Variants in MCPH1 observed in about 807,000 individuals in gnomAD.
MCPH1 encodes microcephalin.
In MCPH1, 104 loss-of-function variants were observed where a neutral mutation model predicts 84.5. That is an observed-to-expected ratio of 1.23 (90% CI 1.05 to 1.45). The LOEUF (loss-of-function observed/expected upper bound fraction) is 1.45. MCPH1 is among the 40% of genes most tolerant of loss of function. The pLI, the probability that MCPH1 is intolerant of heterozygous loss-of-function variation, is 0.00. For missense variants in MCPH1, 1,498 were observed against 1,005.7 expected (o/e 1.49, Z -6.62); for synonymous variants, 514 against 366.8 (o/e 1.40, Z -4.58).
chr8:6,447,143 CAT>C (rs1804512589), intron 8 of MCPH1: 1 of 985,340 alleles, frequency 1.0e-6, no homozygotes, highest in South Asian at 4.7e-5. Flanking sequence ...AAAAGACCTA[CAT>C]GTTGGCTAGC....
rs538570051 is a variant in MCPH1 at position 6,543,022 on chromosome 8, A to G, written c.2214+43093A>G. On this transcript the variant is annotated intron_variant, in intron 12 of 13. Coordinates refer to ENST00000344683, the MANE Select transcript of MCPH1 (RefSeq NM_024596.5). ...GAGAGGAGCGGACTTGGGAATGCTG[A>G]TGGGAATGCTTGAGAAATCTCACAG... Among the ~76,000 whole-genome samples, 10 of 152,204 alleles carry G rather than the reference A, an allele frequency of 6.6e-5. No homozygotes were observed. In the East Asian group the frequency reaches 1.4e-3, roughly 21 times the overall value.
At chr8:6,494,240 G>C (rs1810989955) in intron 11 of MCPH1, 1 of 152,194 alleles carries the variant, frequency 6.6e-6, no homozygotes, top group African/African-American at 2.4e-5. Flanking sequence ...CATCCTGCCA[G>C]AAATGGTGAA....
chr8:6,474,213 C>T (rs1039597088), intron 9 of MCPH1: 5 of 670,034 alleles, frequency 7.5e-6, no homozygotes, highest in Non-Finnish European at 1.4e-5. Context: ...CAATTATACT[C>T]TTCATCATAG....
chr8:6,471,700 G>T (rs1466586333), intron 9 of MCPH1, among the ~76,000 whole-genome samples: 1 of 152,118 alleles, frequency 6.6e-6, no homozygotes, highest in Non-Finnish European at 1.5e-5. Context: ...TCTCAATGAG[G>T]GTTATAGAAA....
At chr8:6,436,009 T>C in intron 4 of MCPH1, 39 bp from the exon 5 acceptor site, 2 of 1,609,874 alleles carry the variant, frequency 1.2e-6, no homozygotes, top group Non-Finnish European at 1.7e-6. Flanking sequence ...CCTTAAGCAG[T>C]TGCAGTACAG....
At chr8:6,621,109 C>T (rs141073596) in intron 12 of MCPH1, 1 of 366,024 alleles carries the variant, frequency 2.7e-6, no homozygotes, top group Non-Finnish European at 5.2e-6. Flanking sequence ...CACACGTCAC[C>T]AAGTTACTTT....
At chr8:6,445,593 T>G (rs1403742847) in intron 8 of MCPH1, 46 bp downstream of exon 8, 1 of 1,531,746 alleles carries the variant, frequency 6.5e-7, no homozygotes, top group African/African-American at 1.4e-5. Context: ...AATAAACATG[T>G]AACAGTGCAT....
At chr8:6,594,548 G>T (rs938261323) in intron 12 of MCPH1, among the ~76,000 whole-genome samples, 17 of 152,242 alleles carry the variant, frequency 1.1e-4, no homozygotes, top group Admixed American at 7.2e-4. Flanking sequence ...TAGATCTCAT[G>T]TGTCCATGTT....
intron 12 of MCPH1, among the ~76,000 whole-genome samples, chr8:6,578,158 C>T (rs1463618508): frequency 1.3e-5 from 2 of 152,212 alleles, no homozygotes. Flanking sequence ...GGCATTTGGA[C>T]ATGGTCTATG....
intron 8 of MCPH1, among the ~76,000 whole-genome samples, chr8:6,454,443 T>C (rs1805457021): frequency 1.3e-5 from 2 of 152,306 alleles, no homozygotes; most frequent in South Asian, 2.1e-4. Context: ...CCCATGTAAG[T>C]CATAAAGTAG....
chr8:6,626,151 ACCTCAGCTCTGAGGTGAC>A, intron 13 of MCPH1: 4 of 985,218 alleles, frequency 4.1e-6, no homozygotes, highest in Non-Finnish European at 2.4e-6. Flanking sequence ...ATTTCTTTCG[ACCTCAGCTCTGAGGTGAC>A]CCTCAGCTCG....
At chr8:6,447,093 C>G (rs1013946431) in intron 8 of MCPH1, 6 of 985,306 alleles carry the variant, frequency 6.1e-6, no homozygotes, top group African/African-American at 1.7e-5. Context: ...GCCTTCATGC[C>G]ATTACAGACA....
chr8:6,445,436 A>G lies in MCPH1; in HGVS notation c.1714A>G (p.Asn572Asp), dbSNP rs1334795672. The G allele has an allele frequency of 4.3e-6, 7 of 1,614,114 alleles. No homozygotes were observed. The highest frequency in any genetic ancestry group is 5.9e-6 in the Non-Finnish European group (7 of 1,180,064). ...QNKGTTSKIS[N>D]SSEGEAQSEH... ...CAAAGGTACCACTTCCAAAATATCA[A>G]ACTCCTCTGAAGGCGAAGCCCAGAG... The change falls in exon 8 of 14, where the codon AAC becomes GAC. Residue 572 changes from asparagine to aspartate, a missense_variant. By Grantham distance (23) the Asn-to-Asp change is conservative. Transcript: ENST00000344683.
intron 12 of MCPH1, among the ~76,000 whole-genome samples, chr8:6,620,802 T>A (rs1295084262): frequency 6.6e-6 from 1 of 152,144 alleles, no homozygotes; most frequent in Non-Finnish European, 1.5e-5. Context: ...ATTGCCAGAA[T>A]GAGAAGCAGA....
chr8:6,466,474 A>C (rs1806963032), intron 9 of MCPH1, among the ~76,000 whole-genome samples: 2 of 152,070 alleles, frequency 1.3e-5, no homozygotes. Flanking sequence ...CACCTGGCTA[A>C]GTTTTTGTAT....
intron 3 of MCPH1, among the ~76,000 whole-genome samples, chr8:6,418,061 T>C (rs546380407): frequency 6.6e-6 from 1 of 152,328 alleles, no homozygotes; most frequent in South Asian, 2.1e-4. Context: ...CAAACACATG[T>C]TGTTCAGGGG....
chr8:6,591,618 G>A (rs1828464889), intron 12 of MCPH1, among the ~76,000 whole-genome samples: 1 of 152,176 alleles, frequency 6.6e-6, no homozygotes, highest in South Asian at 2.1e-4. Context: ...TTTGTGGGTT[G>A]GGTGAGGTAC....
intron 13 of MCPH1, chr8:6,625,379 TTG>T: frequency 1.0e-6 from 1 of 985,416 alleles, no homozygotes; most frequent in Non-Finnish European, 1.2e-6. Context: ...ACAAAGCACA[TTG>T]TGTCTTTTGG....
chr8:6,611,103 T>TACACACACACTCTCTC (rs1830217875), intron 12 of MCPH1, among the ~76,000 whole-genome samples: 1 of 147,162 alleles, frequency 6.8e-6, no homozygotes, highest in South Asian at 2.1e-4. Context: ...CACACACACA[T>TACACACACACTCTCTC]ACACACACAC....
Sources: gnomAD v4.1 joint callset for allele counts (sites outside exome capture counted in the v4.1 genomes callset) on GRCh38, gnomAD v4.1.1 for gene constraint, MANE v1.5 for transcripts, NCBI Gene and HGNC (gene_info 2026-07-23, HGNC 2026-07-21) for gene names.